The following CACNA2D3 variants were observed in gnomAD, a reference collection of about 807,000 sequenced individuals.
CACNA2D3 encodes voltage-dependent calcium channel subunit alpha-2/delta-3.
In CACNA2D3, 60 loss-of-function variants were observed where a neutral mutation model predicts 160.6. The ratio of observed to expected loss-of-function variants is 0.37; its 90% CI spans 0.30 to 0.46. CACNA2D3 has a LOEUF of 0.46. Ranked by LOEUF, CACNA2D3 falls within the 20% of genes least tolerant of loss-of-function variation. CACNA2D3 has a pLI of 1.00. For synonymous variants in CACNA2D3, 558 were observed against 492.9 expected (o/e 1.13, Z -1.75); for missense variants, 1,205 against 1,365.0 (o/e 0.88, Z 1.85).
chr3:54,843,454 G>T (rs907316786), intron 16 of CACNA2D3, among the ~76,000 whole-genome samples: 1 of 152,160 alleles, frequency 6.6e-6, no homozygotes, highest in African/African-American at 2.4e-5. Context: ...TAAAGGTCTG[G>T]CTGGGAGAGA....
chr3:54,780,471 T>G (rs1354055943), intron 13 of CACNA2D3, among the ~76,000 whole-genome samples: 1 of 152,204 alleles, frequency 6.6e-6, no homozygotes, highest in Non-Finnish European at 1.5e-5. Context: ...GTTTTCTTGC[T>G]AAAGATATGG....
intron 31 of CACNA2D3, among the ~76,000 whole-genome samples, chr3:55,000,434 G>A (rs1674425162): frequency 6.6e-6 from 1 of 152,070 alleles, no homozygotes; most frequent in African/African-American, 2.4e-5. Flanking sequence ...GAGAGTGTTA[G>A]GACAAATATC....
At chr3:54,648,419 T>A (rs748029244) in intron 11 of CACNA2D3, among the ~76,000 whole-genome samples, 115 of 152,276 alleles carry the variant, frequency 7.6e-4, no homozygotes, top group Non-Finnish European at 1.4e-3. Context: ...CCTGAAAAAT[T>A]TACTATCAAG....
At chr3:54,341,487 G>A (rs1038951350) in intron 3 of CACNA2D3, among the ~76,000 whole-genome samples, 10 of 152,194 alleles carry the variant, frequency 6.6e-5, no homozygotes, top group African/African-American at 2.2e-4. Flanking sequence ...GCACTCCAGC[G>A]TTTCCTCTGA....
intron 35 of CACNA2D3, among the ~76,000 whole-genome samples, chr3:55,028,977 T>A (rs1703624117): frequency 6.6e-6 from 1 of 152,218 alleles, no homozygotes; most frequent in Non-Finnish European, 1.5e-5. Context: ...GAAGCTGTGT[T>A]GACATGTTTC....
chr3:54,492,939 C>A (rs1284350605), intron 4 of CACNA2D3, among the ~76,000 whole-genome samples: 1 of 151,896 alleles, frequency 6.6e-6, no homozygotes, highest in South Asian at 2.1e-4. Flanking sequence ...ACTTTAATTT[C>A]CATTTACATT....
chr3:54,908,332 G>T (rs1386558862), intron 27 of CACNA2D3, among the ~76,000 whole-genome samples: 2 of 152,140 alleles, frequency 1.3e-5, no homozygotes, highest in Non-Finnish European at 2.9e-5. Flanking sequence ...TTAGAGAAAG[G>T]TCTATTCAGA....
chr3:54,956,563 TC>T (rs759739127), intron 27 of CACNA2D3, among the ~76,000 whole-genome samples: 3 of 152,158 alleles, frequency 2.0e-5, no homozygotes, highest in Non-Finnish European at 4.4e-5. Context: ...AAATACTTTC[TC>T]CCCCACTCCC....
At chr3:54,242,661 A>G (rs1701994549) in intron 2 of CACNA2D3, among the ~76,000 whole-genome samples, 1 of 152,144 alleles carries the variant, frequency 6.6e-6, no homozygotes, top group African/African-American at 2.4e-5. Context: ...ACTACGCCCG[A>G]CAAAGAGACG....
chr3:54,454,765 A>G (rs976730992), intron 4 of CACNA2D3, among the ~76,000 whole-genome samples: 2 of 151,784 alleles, frequency 1.3e-5, no homozygotes, highest in Admixed American at 6.6e-5. Flanking sequence ...CTCTTTCCCC[A>G]CCTCTAATAA....
At chr3:54,319,776 A>G (rs1703947304) in intron 2 of CACNA2D3, among the ~76,000 whole-genome samples, 1 of 152,152 alleles carries the variant, frequency 6.6e-6, no homozygotes, top group Non-Finnish European at 1.5e-5. Context: ...ACAAGGATAA[A>G]AAAACTCATT....
intron 24 of CACNA2D3, among the ~76,000 whole-genome samples, chr3:54,889,524 AT>A (rs1257727577): frequency 6.6e-6 from 1 of 152,040 alleles, no homozygotes; most frequent in Non-Finnish European, 1.5e-5. Flanking sequence ...TCCCAGGTTT[AT>A]ATCATGAGCT....
chr3:54,460,972 GT>G (rs1355142613), intron 4 of CACNA2D3, among the ~76,000 whole-genome samples: 1 of 151,866 alleles, frequency 6.6e-6, no homozygotes, highest in Non-Finnish European at 1.5e-5. Flanking sequence ...TTTCTTGAGA[GT>G]TTTTAGCATG....
At chr3:54,124,049 T>C (rs572616316) in intron 2 of CACNA2D3, among the ~76,000 whole-genome samples, 1 of 152,322 alleles carries the variant, frequency 6.6e-6, no homozygotes, top group South Asian at 2.1e-4. Flanking sequence ...TCCCTGCAGT[T>C]GTACAATCCC....
At chr3:54,443,425 T>C (rs1010054714) in intron 4 of CACNA2D3, among the ~76,000 whole-genome samples, 1 of 152,234 alleles carries the variant, frequency 6.6e-6, no homozygotes, top group African/African-American at 2.4e-5. Context: ...AACTTATGAT[T>C]GGCAGGTTGC....
intron 27 of CACNA2D3, chr3:54,918,338 T>TC (rs1472376596): frequency 1.9e-4 from 54 of 290,742 alleles, no homozygotes; most frequent in Middle Eastern, 2.7e-3. Flanking sequence ...TTTTCTTTTT[T>TC]TTTTTTTTTT....
chr3:54,991,451 G>A (rs1702742142), intron 31 of CACNA2D3, among the ~76,000 whole-genome samples: 2 of 152,106 alleles, frequency 1.3e-5, no homozygotes, highest in Admixed American at 1.3e-4. Flanking sequence ...TTGGACTCCT[G>A]ACCTCAGGTG....
intron 35 of CACNA2D3, among the ~76,000 whole-genome samples, chr3:55,031,930 TTA>T (rs765475034): frequency 1.3e-5 from 2 of 152,142 alleles, no homozygotes; most frequent in African/African-American, 2.4e-5. Context: ...AGAAAACAAA[TTA>T]TATATTTCAC....
At chr3:54,871,222 CA>C (rs1231486568) in intron 17 of CACNA2D3, among the ~76,000 whole-genome samples, 14 of 48,936 alleles carry the variant, frequency 2.9e-4, no homozygotes, top group African/African-American at 9.5e-4. Flanking sequence ...CACACACACA[CA>C]CCCCCCATTC....
Sources: allele counts gnomAD v4.1 joint callset (sites outside exome capture counted in the v4.1 genomes callset), GRCh38; gene constraint gnomAD v4.1.1; transcripts MANE v1.5; gene names NCBI Gene and HGNC (gene_info 2026-07-23, HGNC 2026-07-21).